The following PPP1R1C variants were observed in gnomAD, a reference collection of about 807,000 sequenced individuals.
The protein encoded by PPP1R1C is protein phosphatase 1 regulatory subunit 1C.
Under a neutral mutation model 17.4 loss-of-function variants are expected in PPP1R1C, and 15 were observed. That is an observed-to-expected ratio of 0.86 (90% CI 0.58 to 1.33). The LOEUF is 1.33. Ranked by LOEUF, PPP1R1C falls within the 40% of genes most tolerant of loss-of-function variation. The probability of loss-of-function intolerance (pLI) is 0.00; values close to 1 mark genes in which losing one functional copy is unlikely to be tolerated. For missense variants in PPP1R1C, 143 were observed against 130.0 expected, an observed-to-expected ratio of 1.10 and a Z score of -0.48; for synonymous variants, 35 against 43.1, an observed-to-expected ratio of 0.81 and a Z score of 0.73.
At chr2:181,974,034 G>A (rs1032660585) in intron 1 of PPP1R1C, among the ~76,000 whole-genome samples, 1 of 151,888 alleles carries the variant, frequency 6.6e-6, no homozygotes, top group African/African-American at 2.4e-5. Flanking sequence ...TTAAATAGTA[G>A]CATTTTACCA....
chr2:182,075,829 A>C (rs546461420), intron 4 of PPP1R1C, among the ~76,000 whole-genome samples: 3 of 152,134 alleles, frequency 2.0e-5, no homozygotes, highest in African/African-American at 7.2e-5. Context: ...TTTGGGTTTC[A>C]ATTGATAATC....
At chr2:182,055,523 G>A (rs917512450) in intron 2 of PPP1R1C, among the ~76,000 whole-genome samples, 6 of 151,928 alleles carry the variant, frequency 3.9e-5, no homozygotes, top group African/African-American at 1.5e-4. Context: ...TTCATTTAGG[G>A]TATATCTGCT....
rs74379269 is a variant in PPP1R1C at position 181,989,369 on chromosome 2, C to T, written c.142+1470C>T. 6.9e-3 allele frequency among the ~76,000 whole-genome samples: 1,053 copies of T among 152,266 alleles called. 10 individuals carry two copies. The highest frequency in any genetic ancestry group is 0.01 in the Non-Finnish European group (713 of 68,004). ...CCATTTGGATGAGGAAAGTGTGTAT[C>T]AGAGAGGTGAAGTGATTTTTGTGGC... On this transcript the variant is annotated intron_variant, in intron 2 of 4. Coordinates refer to ENST00000682840, the MANE Select transcript of PPP1R1C (RefSeq NM_001080545.3).
At chr2:182,019,148 T>C (rs1432596915) in intron 2 of PPP1R1C, among the ~76,000 whole-genome samples, 2 of 152,188 alleles carry the variant, frequency 1.3e-5, no homozygotes, top group African/African-American at 4.8e-5. Flanking sequence ...AATGTAGAGA[T>C]TATTTGAAAG....
intron 1 of PPP1R1C, 46 bp downstream of exon 1, chr2:181,986,237 T>C: frequency 7.3e-7 from 1 of 1,362,036 alleles, no homozygotes; most frequent in Non-Finnish European, 1.1e-6. Context: ...TAAGGTAATA[T>C]GAACATGCAT....
chr2:182,008,802 A>T (rs1686004351), intron 2 of PPP1R1C, among the ~76,000 whole-genome samples: 1 of 152,168 alleles, frequency 6.6e-6, no homozygotes, highest in Admixed American at 6.5e-5. Context: ...TATCATTCCT[A>T]GTCTCTGGTA....
chr2:181,970,965 G>A (rs928219318), intron 1 of PPP1R1C, among the ~76,000 whole-genome samples: 2 of 151,864 alleles, frequency 1.3e-5, no homozygotes, highest in Non-Finnish European at 2.9e-5. Flanking sequence ...GTCCCTTCAG[G>A]CCAGTGGGCT....
At chr2:182,064,073 C>G (rs963120480) in intron 4 of PPP1R1C, 1 of 388,796 alleles carries the variant, frequency 2.6e-6, no homozygotes, top group Non-Finnish European at 4.6e-6. Flanking sequence ...TATTCGCATA[C>G]TTCCTTAAAG....
chr2:182,066,392 T>G (rs1305878134), intron 4 of PPP1R1C, among the ~76,000 whole-genome samples: 1 of 152,118 alleles, frequency 6.6e-6, no homozygotes, highest in Non-Finnish European at 1.5e-5. Flanking sequence ...ATAGATAAGA[T>G]AAACCTATTT....
chr2:182,116,660 A>G (rs772007495), intron 4 of PPP1R1C, among the ~76,000 whole-genome samples: 1 of 152,174 alleles, frequency 6.6e-6, no homozygotes, highest in Non-Finnish European at 1.5e-5. Flanking sequence ...ATGTATGCCA[A>G]TGTTTTTCCC....
intron 1 of PPP1R1C, among the ~76,000 whole-genome samples, chr2:181,971,423 C>T (rs1685004902): frequency 6.6e-6 from 1 of 152,146 alleles, no homozygotes; most frequent in African/African-American, 2.4e-5. Context: ...TCTACTGTGG[C>T]TGAGCTGGTA....
chr2:182,038,095 T>TG (rs916982135), intron 2 of PPP1R1C, among the ~76,000 whole-genome samples: 18 of 152,120 alleles, frequency 1.2e-4, no homozygotes, highest in Non-Finnish European at 7.4e-5. Context: ...TGGAGTGCAG[T>TG]GGCCTGATCA....
At chr2:181,995,027 T>C in intron 2 of PPP1R1C, among the ~76,000 whole-genome samples, 1 of 152,202 alleles carries the variant, frequency 6.6e-6, no homozygotes, top group Admixed American at 6.5e-5. Flanking sequence ...GCACCAGCTC[T>C]GGTTAAAGCA....
rs1013151466 is a variant in PPP1R1C, at chr2:181,976,620, C to A, written n.157+1356C>A. ...TATATCTGTATATCTATATCTATAT[C>A]TATATCTGTATCTATCTATTCCTCA... On this transcript the variant is annotated intron_variant and non_coding_transcript_variant, in intron 2 of 5. Coordinates refer to the PPP1R1C transcript ENST00000464264. The surrounding 1 kb of genome is among the most constrained non-coding windows in gnomAD (Gnocchi z 4.8). Among the ~76,000 whole-genome samples, 14 of 152,088 alleles carry A rather than the reference C, an allele frequency of 9.2e-5. No individual in the cohort carries two copies. The highest frequency in any genetic ancestry group is 3.1e-4 in the African/African-American group (13 of 41,406).
chr2:181,966,418 C>T (rs1245102012), intron 1 of PPP1R1C, among the ~76,000 whole-genome samples: 2 of 152,170 alleles, frequency 1.3e-5, no homozygotes, highest in African/African-American at 4.8e-5. Flanking sequence ...TTTCCCCATT[C>T]AGTATGATAC....
At chr2:182,081,969 A>G (rs1233067314) in intron 4 of PPP1R1C, among the ~76,000 whole-genome samples, 2 of 152,180 alleles carry the variant, frequency 1.3e-5, no homozygotes, top group African/African-American at 2.4e-5. Context: ...TTCTGACTAC[A>G]TACCTCCCTA....
At position 182,117,680 on chromosome 2, in the gene PPP1R1C, C is replaced by T. The variant is rs1304839656; in HGVS notation, c.*385C>T. ...AAGAGTAAAAAATAAATAGTAAACA[C>T]ATTTAGACATGAGTGTGTGTGTGTG... is the stretch of plus-strand genomic sequence containing the variant. On this transcript the variant is annotated 3_prime_UTR_variant, in exon 5 of 5. Transcript: ENST00000682840. 1 of 141,674 alleles carries T rather than the reference C, an allele frequency of 7.1e-6. No individual in the cohort carries two copies. Among genetic ancestry groups the T allele is most frequent in the Non-Finnish European group, 1.4e-5 (1 of 70,924 alleles). The allele number at this position is 141,674 out of a possible 1,614,324, so 8.8% of individuals were successfully genotyped here.
At chr2:181,993,241 A>G (rs997558805) in intron 2 of PPP1R1C, among the ~76,000 whole-genome samples, 6 of 152,208 alleles carry the variant, frequency 3.9e-5, no homozygotes, top group African/African-American at 1.4e-4. Flanking sequence ...ATTTATTTCC[A>G]GTATTAAGGC....
chr2:182,103,099 G>T (rs112036506), intron 4 of PPP1R1C, among the ~76,000 whole-genome samples: 4 of 152,096 alleles, frequency 2.6e-5, no homozygotes, highest in Admixed American at 6.6e-5. Flanking sequence ...CCCCGCTTCC[G>T]GCCAAGCCGT....
Sources: gnomAD v4.1 joint callset for allele counts (sites outside exome capture counted in the v4.1 genomes callset) on GRCh38, gnomAD v4.1.1 for gene constraint, Gnocchi (gnomAD v3.1) non-coding constraint, MANE v1.5 for transcripts, NCBI Gene and HGNC (gene_info 2026-07-23, HGNC 2026-07-21) for gene names.